Variants in SLTM observed in about 807,000 individuals in gnomAD.
The protein encoded by SLTM is SAFB like transcription modulator, also known as SAFB-like transcription modulator.
In SLTM, 43 loss-of-function variants were observed where a neutral mutation model predicts 134.6. The observed-to-expected ratio is 0.32, with a 90% CI of 0.25 to 0.41. The LOEUF (loss-of-function observed/expected upper bound fraction) is 0.41. SLTM is among the 10% of genes least tolerant of loss of function. The pLI, the probability that SLTM is intolerant of heterozygous loss-of-function variation, is 1.00. For missense variants in SLTM, 1,055 were observed against 1,288.8 expected, an observed-to-expected ratio of 0.82 and a Z score of 2.78; for synonymous variants, 424 against 432.3, an observed-to-expected ratio of 0.98 and a Z score of 0.24.
chr15:58,897,377 TCAAA>T lies in SLTM; in HGVS notation c.1109-148_1109-145del, dbSNP rs563741898. On this transcript the variant is annotated intron_variant, in intron 8 of 20. Coordinates refer to ENST00000380516, the MANE Select transcript of SLTM (RefSeq NM_024755.4). The stretch of plus-strand genomic sequence containing the variant: ...TCCTGTGAGTTTACTATTATTGAAA[TCAAA>T]CAGACAACATGACTAGTGAGGGGAA... 7.0e-4 allele frequency: 388 copies of T among 550,962 alleles called. 5 individuals are homozygous for T. In the South Asian group the frequency reaches 9.8e-3, roughly 14 times the overall value. The allele number at this position is 550,962 out of a possible 1,614,324, so 34.1% of individuals were successfully genotyped here. A position where few individuals can be genotyped will look rare whatever the true frequency, so the allele number is the denominator to read the frequency against.
At chr15:58,905,466 G>A (rs1307421254) in intron 5 of SLTM, among the ~76,000 whole-genome samples, 1 of 152,154 alleles carries the variant, frequency 6.6e-6, no homozygotes, top group Non-Finnish European at 1.5e-5. Flanking sequence ...ACTTTAGGAG[G>A]CTGAGGCAGG....
intron 2 of SLTM, among the ~76,000 whole-genome samples, chr15:58,920,651 A>G (rs1325987350): frequency 6.7e-6 from 1 of 150,048 alleles, no homozygotes; most frequent in African/African-American, 2.4e-5. Context: ...ATAAATAAAT[A>G]AATAAATAAA....
At chr15:58,917,020 G>T (rs1159745074) in intron 2 of SLTM, 21 bp from the exon 3 acceptor site, 1 of 1,609,744 alleles carries the variant, frequency 6.2e-7, no homozygotes, top group South Asian at 1.1e-5. Flanking sequence ...AGGAAAATGG[G>T]CTAACAACCA....
intron 8 of SLTM, chr15:58,898,044 A>C (rs1258042675): frequency 6.6e-6 from 1 of 152,134 alleles, no homozygotes; most frequent in Non-Finnish European, 1.5e-5. Flanking sequence ...GTATACAAGC[A>C]ATTAAAAGGA....
chr15:58,922,552 ATAATATG>A (rs2037152595), intron 2 of SLTM, among the ~76,000 whole-genome samples: 1 of 137,198 alleles, frequency 7.3e-6, no homozygotes, highest in Non-Finnish European at 1.5e-5. Context: ...TTATATGTAT[ATAATATG>A]TATATAATAT....
rs533683719 is a variant in SLTM, at chr15:58,920,292, G to A, written c.251-3293C>T. On this transcript the variant is annotated intron_variant, in intron 2 of 20. Transcript: ENST00000380516. ...GCTGAGATCGCCCCACTGCACTCAT[G>A]CCTGAGAGACAGAGCGACACTCTGT... Among the ~76,000 whole-genome samples the A allele has an allele frequency of 3.7e-4, 57 of 152,080 alleles. 1 individual carries two copies. Among genetic ancestry groups the A allele is most frequent in the Admixed American group, 2.0e-3 (30 of 15,256 alleles).
At chr15:58,912,746 G>GCTTAA (rs1267716337) in intron 4 of SLTM, 136 bp from the exon 5 acceptor site, 2 of 660,598 alleles carry the variant, frequency 3.0e-6, no homozygotes, top group Non-Finnish European at 2.6e-6. Flanking sequence ...CTAAATCAAT[G>GCTTAA]CTTAATATTC....
intron 19 of SLTM, among the ~76,000 whole-genome samples, chr15:58,884,629 T>A (rs547399285): frequency 4.2e-4 from 64 of 151,972 alleles, no homozygotes; most frequent in African/African-American, 1.4e-3. Flanking sequence ...TTCCTTTTTT[T>A]AAAAAATAAT....
chr15:58,888,267 C>T (rs1281785839), intron 17 of SLTM, 118 bp downstream of exon 17: 22 of 789,726 alleles, frequency 2.8e-5, no homozygotes, highest in South Asian at 1.4e-4. Flanking sequence ...ACAAAAACCA[C>T]GTAAATTGTT....
intron 3 of SLTM, among the ~76,000 whole-genome samples, chr15:58,916,025 A>G (rs1487906311): frequency 6.6e-6 from 1 of 152,204 alleles, no homozygotes; most frequent in African/African-American, 2.4e-5. Flanking sequence ...CTATAGCTGT[A>G]GTATATAGAA....
At chr15:58,914,164 G>A (rs1235888529) in intron 3 of SLTM, among the ~76,000 whole-genome samples, 1 of 152,214 alleles carries the variant, frequency 6.6e-6, no homozygotes, top group East Asian at 1.9e-4. Context: ...TAATTGAAAT[G>A]TATTTGTTTT....
At chr15:58,906,300 A>G (rs1445614284) in intron 5 of SLTM, among the ~76,000 whole-genome samples, 2 of 152,204 alleles carry the variant, frequency 1.3e-5, no homozygotes, top group African/African-American at 2.4e-5. Flanking sequence ...ATCTTTTTAA[A>G]TTAACCACTC....
chr15:58,882,181 C>CA lies in SLTM; in HGVS notation c.2996+1444dup, dbSNP rs71119415. On this transcript the variant is annotated intron_variant, in intron 20 of 20. Coordinates refer to ENST00000380516, the MANE Select transcript of SLTM (RefSeq NM_024755.4). ...GCCTGGACAGAGCAAGACTCTGTCTCAAAAAAAAAAAACCACACTTAGAAA... is the reference window on the plus strand; with the variant it reads ...GCCTGGACAGAGCAAGACTCTGTCTCAAAAAAAAAAAAACCACACTTAGAAA... 1.3e-3 allele frequency among the ~76,000 whole-genome samples: 79 copies of CA among 59,524 alleles called. 19 individuals carry two copies. The highest frequency in any genetic ancestry group is 4.5e-3 in the African/African-American group (76 of 16,968). 39.1% of individuals were successfully genotyped at this position (59,524 alleles called of 152,430 possible).
intron 20 of SLTM, among the ~76,000 whole-genome samples, chr15:58,880,332 T>G (rs1386849314): frequency 1.3e-5 from 2 of 152,162 alleles, no homozygotes; most frequent in African/African-American, 4.8e-5. Flanking sequence ...AAGCAGAGAT[T>G]TGAACTTGGG....
intron 20 of SLTM, 164 bp downstream of exon 20, chr15:58,883,462 T>G (rs955204427): frequency 1.2e-6 from 1 of 850,210 alleles, no homozygotes; most frequent in Non-Finnish European, 1.9e-6. Context: ...TATCAGCTGT[T>G]CTGCAAACAC....
At chr15:58,912,100 G>GTT (rs796282134) in intron 5 of SLTM, among the ~76,000 whole-genome samples, 82 of 137,626 alleles carry the variant, frequency 6.0e-4, no homozygotes, top group African/African-American at 1.5e-3. Context: ...GCTGCCAATA[G>GTT]TTTTTTTTTT....
At chr15:58,901,735 A>C (rs1375342254) in intron 5 of SLTM, among the ~76,000 whole-genome samples, 1 of 152,198 alleles carries the variant, frequency 6.6e-6, no homozygotes, top group African/African-American at 2.4e-5. Context: ...CACAGTAATA[A>C]ACCAAACAAA....
intron 2 of SLTM, among the ~76,000 whole-genome samples, chr15:58,930,278 G>A (rs1375510853): frequency 1.0e-5 from 1 of 96,900 alleles, no homozygotes; most frequent in Non-Finnish European, 2.0e-5. Flanking sequence ...ACCATGCCCA[G>A]CTATTTTTTT....
chr15:58,926,062 G>C (rs2037437113), intron 2 of SLTM, among the ~76,000 whole-genome samples: 1 of 152,102 alleles, frequency 6.6e-6, no homozygotes, highest in African/African-American at 2.4e-5. Flanking sequence ...GAATCACCTG[G>C]GGAGCTTTTA....
Sources: allele counts gnomAD v4.1 joint callset (sites outside exome capture counted in the v4.1 genomes callset), GRCh38; gene constraint gnomAD v4.1.1; transcripts MANE v1.5; gene names NCBI Gene and HGNC (gene_info 2026-07-23, HGNC 2026-07-21).